The following LRIG1 variants were observed in gnomAD, a reference collection of about 807,000 sequenced individuals.
LRIG1 encodes leucine rich repeats and immunoglobulin like domains 1.
LRIG1 carries 48 observed loss-of-function variants against 99.2 expected under a neutral mutation model. That is an observed-to-expected ratio of 0.48 (90% CI 0.38 to 0.62). The LOEUF (loss-of-function observed/expected upper bound fraction) is 0.62. LRIG1 is among the 20% of genes least tolerant of loss of function. The pLI, the probability that LRIG1 is intolerant of heterozygous loss-of-function variation, is 0.00. For missense variants in LRIG1, 1,646 were observed against 1,434.4 expected, an observed-to-expected ratio of 1.15 and a Z score of -2.38; for synonymous variants, 772 against 596.1, an observed-to-expected ratio of 1.29 and a Z score of -4.30.
At chr3:66,462,641 A>G in intron 1 of LRIG1, 132 bp from the exon 2 acceptor site, 1 of 672,836 alleles carries the variant, frequency 1.5e-6, no homozygotes, top group Non-Finnish European at 2.7e-6. Context: ...GTATTAAGTA[A>G]CCGTATTGAT....
intron 3 of LRIG1, among the ~76,000 whole-genome samples, chr3:66,421,045 T>C (rs1292164431): frequency 2.0e-5 from 3 of 152,116 alleles, no homozygotes; most frequent in African/African-American, 7.2e-5. Flanking sequence ...ATGAGACTCA[T>C]TCACTATCAT....
chr3:66,380,335 G>C lies in LRIG1; in HGVS notation c.3210C>G (p.Pro1070=). 8.7e-6 allele frequency: 14 copies of C among 1,614,142 alleles called. No individual in the cohort carries two copies. Among genetic ancestry groups the C allele is most frequent in the Non-Finnish European group, 1.1e-5 (13 of 1,180,024 alleles). Reference sequence around the variant, plus strand: ...GCTGTCCTGTCAGTGGCGTGGACTCGGGACTGGCGTCACATGCTTTGGGGA... The same window carrying C: ...GCTGTCCTGTCAGTGGCGTGGACTCCGGACTGGCGTCACATGCTTTGGGGA... ...GHLPKACDAS[P]ESTPLTGQLP... is the part of the protein sequence containing the mutation. Residue 1070 remains proline, a synonymous_variant, in exon 19 of 19, where the codon CCC becomes CCG. Coordinates refer to ENST00000273261, the MANE Select transcript of LRIG1 (RefSeq NM_015541.3).
chr3:66,498,568 A>AT (rs1295559875), intron 1 of LRIG1, among the ~76,000 whole-genome samples: 1 of 151,870 alleles, frequency 6.6e-6, no homozygotes, highest in Non-Finnish European at 1.5e-5. Flanking sequence ...TCTATTTAAA[A>AT]AAAAAAAAAA....
intron 8 of LRIG1, chr3:66,406,036 TG>T (rs1473036816): frequency 3.0e-6 from 3 of 987,778 alleles, no homozygotes; most frequent in African/African-American, 3.5e-5. Context: ...ACAAGGTTCT[TG>T]GTTCTTAAAT....
At chr3:66,472,387 C>G (rs1420895889) in intron 1 of LRIG1, among the ~76,000 whole-genome samples, 2 of 151,028 alleles carry the variant, frequency 1.3e-5, no homozygotes, top group East Asian at 3.9e-4. Context: ...AAAGCTTCTT[C>G]GACTGCCATG....
chr3:66,420,596 T>C (rs1381661505), intron 3 of LRIG1, among the ~76,000 whole-genome samples: 2 of 152,214 alleles, frequency 1.3e-5, no homozygotes, highest in Non-Finnish European at 2.9e-5. Context: ...CAATGAGATA[T>C]TACTCAGCCT....
chr3:66,406,407 G>A lies in LRIG1; in HGVS notation c.1079+941C>T, dbSNP rs76948593. On this transcript the variant is annotated intron_variant, in intron 8 of 18. Transcript: ENST00000273261. Reference sequence around the variant, plus strand: ...CTGAATGTTCCCAGCCTTGTTATTTGGGCCTTGTATGGGCTCACAGGCTGA... The same window carrying A: ...CTGAATGTTCCCAGCCTTGTTATTTAGGCCTTGTATGGGCTCACAGGCTGA... 8.5e-4 allele frequency: 839 copies of A among 985,350 alleles called. 32 individuals are homozygous for A. In the East Asian group the frequency reaches 0.067, roughly 78 times the overall value. 61.0% of individuals were successfully genotyped at this position (985,350 alleles called of 1,614,324 possible). A position where few individuals can be genotyped will look rare whatever the true frequency, so the allele number is the denominator to read the frequency against.
At chr3:66,420,188 A>C (rs1404016657) in intron 3 of LRIG1, among the ~76,000 whole-genome samples, 2 of 152,272 alleles carry the variant, frequency 1.3e-5, no homozygotes, top group Non-Finnish European at 2.9e-5. Context: ...GAAGCACATG[A>C]GAAGATGATC....
intron 17 of LRIG1, 111 bp from the exon 18 acceptor site, chr3:66,380,972 A>C: frequency 9.5e-7 from 1 of 1,050,686 alleles, no homozygotes; most frequent in Non-Finnish European, 1.4e-6. Context: ...CCTGACTGCA[A>C]ACACTGTATG....
intron 2 of LRIG1, among the ~76,000 whole-genome samples, chr3:66,460,801 G>C (rs1700338888): frequency 6.6e-6 from 1 of 152,214 alleles, no homozygotes; most frequent in South Asian, 2.1e-4. Context: ...TCCTCTGGGA[G>C]AATGAGAGTC....
chr3:66,383,287 C>T lies in LRIG1; in HGVS notation c.2186G>A (p.Gly729Glu), dbSNP rs774003663. 3 of 1,612,276 alleles carry T rather than the reference C, an allele frequency of 1.9e-6. No homozygotes were observed. The highest frequency in any genetic ancestry group is 1.7e-6 in the Non-Finnish European group (2 of 1,178,368). Residue 729 changes from glycine to glutamate, a missense_variant, in exon 15 of 19, where the codon GGG becomes GAG. By Grantham distance (98) the Gly-to-Glu change is moderately conservative. Transcript: ENST00000273261. ...NPPPRITWFK[G>E]DRPLSLTERH... The stretch of plus-strand genomic sequence containing the variant: ...CTCAGTGAGGCTCAGCGGGCGGTCC[C>T]CCTTGAACCAGGTGATGCGGGGCGG...
rs140487238 is a variant in LRIG1 at position 66,475,055 on chromosome 3, C to T, written c.219-12546G>A. ...TTCACATCCAAACAGAAAATCCAAG[C>T]CCACTGGTCATACCAAATTGAGACA... On this transcript the variant is annotated intron_variant, in intron 1 of 18. Coordinates refer to ENST00000273261, the MANE Select transcript of LRIG1 (RefSeq NM_015541.3). 1.4e-4 allele frequency among the ~76,000 whole-genome samples: 21 copies of T among 152,318 alleles called. No individual in the cohort carries two copies. In the East Asian group the frequency reaches 2.5e-3, roughly 18 times the overall value.
At position 66,434,931 on chromosome 3, in the gene LRIG1, G is replaced by A. The variant is rs1265540522; in HGVS notation, c.365+16628C>T. 2.6e-5 allele frequency among the ~76,000 whole-genome samples: 4 copies of A among 151,986 alleles called. No homozygotes were observed. In the East Asian group the frequency reaches 7.7e-4, roughly 29 times the overall value. ...TATGACCTGTCAATTGCACTCCTGG[G>A]CATTTATCCCAGAGAAGTGAAAATT... On this transcript the variant is annotated intron_variant, in intron 3 of 18. Transcript: ENST00000273261.
intron 3 of LRIG1, among the ~76,000 whole-genome samples, chr3:66,427,070 G>T (rs901935687): frequency 6.6e-6 from 1 of 152,098 alleles, no homozygotes; most frequent in African/African-American, 2.4e-5. Flanking sequence ...CCCTAGACTG[G>T]GGGGAAAAAA....
At chr3:66,460,493 G>A (rs185707217) in intron 2 of LRIG1, among the ~76,000 whole-genome samples, 254 of 152,258 alleles carry the variant, frequency 1.7e-3, no homozygotes, top group Non-Finnish European at 2.7e-3. Context: ...TTGAAGAGGT[G>A]ATGGGCCCTG....
intron 9 of LRIG1, chr3:66,404,301 T>C: frequency 7.8e-7 from 1 of 1,289,274 alleles, no homozygotes; most frequent in Non-Finnish European, 1.0e-6. Flanking sequence ...ACTCGCACTC[T>C]GCTGAGCTCC....
chr3:66,490,738 T>G (rs13319138), intron 1 of LRIG1, among the ~76,000 whole-genome samples: 1 of 152,140 alleles, frequency 6.6e-6, no homozygotes, highest in East Asian at 1.9e-4. Flanking sequence ...TAAATTTAAT[T>G]AAGCTTCACA....
chr3:66,483,054 C>G (rs1700886536), intron 1 of LRIG1, among the ~76,000 whole-genome samples: 1 of 152,068 alleles, frequency 6.6e-6, no homozygotes, highest in Admixed American at 6.5e-5. Flanking sequence ...CAATAGCACC[C>G]CCTCCAGCAC....
At chr3:66,398,873 T>C in intron 10 of LRIG1, 97 bp downstream of exon 10, 2 of 987,574 alleles carry the variant, frequency 2.0e-6, no homozygotes, top group Non-Finnish European at 3.2e-6. Context: ...ATAGCCTGTT[T>C]CTCAGTTTAC....
Sources: gnomAD v4.1 joint callset for allele counts (sites outside exome capture counted in the v4.1 genomes callset) on GRCh38, gnomAD v4.1.1 for gene constraint, MANE v1.5 for transcripts, NCBI Gene and HGNC (gene_info 2026-07-23, HGNC 2026-07-21) for gene names.